Variants in VPS41 observed in about 807,000 individuals in gnomAD.
The protein encoded by VPS41 is VPS41 subunit of HOPS complex, also known as vacuolar protein sorting-associated protein 41 homolog.
A neutral mutation model predicts 130.9 loss-of-function variants in VPS41; 85 were observed. That is an observed-to-expected ratio of 0.65 (90% CI 0.55 to 0.78). The LOEUF (loss-of-function observed/expected upper bound fraction) is 0.78. Among genes scored for constraint, VPS41 ranks in the 30% least tolerant of loss-of-function variants. The pLI is 0.00. For synonymous variants in VPS41, 335 were observed against 332.9 expected, an observed-to-expected ratio of 1.01 and a Z score of -0.07; for missense variants, 874 against 1,018.7, an observed-to-expected ratio of 0.86 and a Z score of 1.93.
chr7:38,726,353 T>A, intron 28 of VPS41, 27 bp from the exon 29 acceptor site: 2 of 1,562,720 alleles, frequency 1.3e-6, no homozygotes, highest in Admixed American at 1.7e-5. Context: ...AAAACACATA[T>A]TTAAAAAATG....
In VPS41 at chr7:38,765,677, TC is replaced by T; in HGVS notation, c.1248-17del. The T allele has an allele frequency of 1.3e-6, 2 of 1,547,556 alleles. No homozygotes were observed. Among genetic ancestry groups the T allele is most frequent in the Non-Finnish European group, 8.8e-7 (1 of 1,136,270 alleles). On this transcript the variant is annotated splice_polypyrimidine_tract_variant and intron_variant, in intron 15 of 28. Transcript: ENST00000310301. ...CTGGCATTTGCTGGCAGTAAAAACATCCCAGGCAGAAAGAAAGTATATATTA... is the reference window on the plus strand; with the variant it reads ...CTGGCATTTGCTGGCAGTAAAAACATCCAGGCAGAAAGAAAGTATATATTA...
chr7:38,891,533 T>G (rs963339855), intron 2 of VPS41, among the ~76,000 whole-genome samples: 6 of 152,318 alleles, frequency 3.9e-5, no homozygotes, highest in Non-Finnish European at 8.8e-5. Flanking sequence ...GTTTACACTT[T>G]TACACAGTTA....
intron 7 of VPS41, among the ~76,000 whole-genome samples, chr7:38,807,081 T>C (rs1784852833): frequency 6.6e-6 from 1 of 152,236 alleles, no homozygotes; most frequent in African/African-American, 2.4e-5. Context: ...GACTTTGGCT[T>C]TGGCTTAGGC....
intron 11 of VPS41, among the ~76,000 whole-genome samples, chr7:38,774,686 G>T (rs920683352): frequency 6.6e-6 from 1 of 151,818 alleles, no homozygotes; most frequent in Non-Finnish European, 1.5e-5. Context: ...CATAGAAAAG[G>T]CTCTTTTATA....
At chr7:38,781,191 C>A (rs1784348993) in intron 10 of VPS41, among the ~76,000 whole-genome samples, 1 of 152,040 alleles carries the variant, frequency 6.6e-6, no homozygotes, top group African/African-American at 2.4e-5. Context: ...ACATAACATA[C>A]CTAAAATATT....
At chr7:38,772,719 TA>T in intron 12 of VPS41, 82 bp from the exon 13 acceptor site, 3 of 864,118 alleles carry the variant, frequency 3.5e-6, no homozygotes, top group Non-Finnish European at 5.6e-6. Flanking sequence ...CTGGTTAGGT[TA>T]CCCAACCCAA....
rs1261873534 is a variant in VPS41 at position 38,743,544 on chromosome 7, T to C, written c.1982-2A>G. ...CACTTCGGCTATTACCCATTCGGCC[T>C]TGGTGGGGTGAAGATGGGAGAAAGA... On this transcript the variant is annotated splice_acceptor_variant, in intron 23 of 28. Transcript: ENST00000310301. LOFTEE classifies it high-confidence loss of function. The C allele has an allele frequency of 1.9e-6, 3 of 1,613,392 alleles. No individual in the cohort carries two copies. Among genetic ancestry groups the C allele is most frequent in the Non-Finnish European group, 2.5e-6 (3 of 1,179,572 alleles).
chr7:38,797,907 A>T (rs1784652332), intron 7 of VPS41, among the ~76,000 whole-genome samples: 1 of 152,228 alleles, frequency 6.6e-6, no homozygotes, highest in Non-Finnish European at 1.5e-5. Flanking sequence ...CATCACAAGT[A>T]AGCAAAGTAC....
At chr7:38,893,492 C>T (rs1214929335) in intron 2 of VPS41, among the ~76,000 whole-genome samples, 2 of 152,210 alleles carry the variant, frequency 1.3e-5, no homozygotes, top group East Asian at 3.8e-4. Context: ...GGAGTGAAAT[C>T]CTTTTGAAGA....
chr7:38,864,438 T>C lies in VPS41; in HGVS notation c.169-1816A>G, dbSNP rs189560567. The stretch of plus-strand genomic sequence containing the variant: ...AAACTAAAACTATGTTAGAACATTT[T>C]GGAAAAAAAAGATTCAGTGATTTTT... On this transcript the variant is annotated intron_variant, in intron 3 of 28. Coordinates refer to ENST00000310301, the MANE Select transcript of VPS41 (RefSeq NM_014396.4). Among the ~76,000 whole-genome samples, 23 of 152,256 alleles carry C rather than the reference T, an allele frequency of 1.5e-4. No homozygotes were observed. The East Asian group carries it at 4.2e-3, about 28-fold the overall frequency.
rs540244893 is a variant in VPS41 at position 38,893,615 on chromosome 7, C to T, written c.60+4476G>A. 4.6e-5 allele frequency among the ~76,000 whole-genome samples: 7 copies of T among 152,304 alleles called. No homozygotes were observed. The East Asian group carries it at 1.2e-3, about 25-fold the overall frequency. ...CACTGCATATTTTTCAAAACATCCA[C>T]GCTGGAAGGACCAGTTTAGTTAGTC... On this transcript the variant is annotated intron_variant, in intron 2 of 28. Coordinates refer to ENST00000310301, the MANE Select transcript of VPS41 (RefSeq NM_014396.4).
intron 2 of VPS41, among the ~76,000 whole-genome samples, chr7:38,872,926 T>A (rs1786403410): frequency 6.6e-6 from 1 of 152,144 alleles, no homozygotes; most frequent in Non-Finnish European, 1.5e-5. Context: ...TTAGTCTTTA[T>A]AATAAGATGC....
At chr7:38,823,988 G>A (rs1417643237) in intron 5 of VPS41, among the ~76,000 whole-genome samples, 6 of 152,132 alleles carry the variant, frequency 3.9e-5, no homozygotes, top group East Asian at 1.9e-4. Context: ...TTTACCTGGG[G>A]AAGTTTAACT....
intron 4 of VPS41, among the ~76,000 whole-genome samples, chr7:38,843,941 T>C (rs1785668988): frequency 6.6e-6 from 1 of 152,246 alleles, no homozygotes; most frequent in African/African-American, 2.4e-5. Flanking sequence ...TGAAATATCC[T>C]TTTATTCCAA....
intron 4 of VPS41, chr7:38,831,086 G>A (rs1000610202): frequency 9.7e-6 from 4 of 412,974 alleles, no homozygotes; most frequent in Non-Finnish European, 1.9e-5. Context: ...AACTTCTATA[G>A]TCTTTGAATA....
chr7:38,892,837 C>T (rs973200947), intron 2 of VPS41, among the ~76,000 whole-genome samples: 16 of 152,120 alleles, frequency 1.1e-4, no homozygotes, highest in African/African-American at 3.9e-4. Context: ...CTGAACTAGA[C>T]ACTGGAATCT....
chr7:38,755,004 G>T, intron 19 of VPS41, 68 bp from the exon 20 acceptor site: 1 of 1,437,330 alleles, frequency 7.0e-7, no homozygotes, highest in South Asian at 1.2e-5. Context: ...TAAACACAAT[G>T]CAGTGTACCT....
chr7:38,773,933 G>C (rs1229922916), intron 12 of VPS41, among the ~76,000 whole-genome samples, 182 bp downstream of exon 12: 1 of 152,158 alleles, frequency 6.6e-6, no homozygotes, highest in Non-Finnish European at 1.5e-5. Flanking sequence ...TACTATAGGA[G>C]CTTATGCAAG....
intron 2 of VPS41, among the ~76,000 whole-genome samples, chr7:38,884,764 G>C (rs1786687069): frequency 6.6e-6 from 1 of 152,210 alleles, no homozygotes; most frequent in Non-Finnish European, 1.5e-5. Context: ...AATAAGCCTA[G>C]TTCAGCTATT....
Sources: gnomAD v4.1 joint callset for allele counts (sites outside exome capture counted in the v4.1 genomes callset) on GRCh38, gnomAD v4.1.1 for gene constraint, MANE v1.5 for transcripts, NCBI Gene and HGNC (gene_info 2026-07-23, HGNC 2026-07-21) for gene names.